The following ABI3BP variants were observed in gnomAD, a reference collection of about 807,000 sequenced individuals.
ABI3BP encodes the protein ABI family member 3 binding protein.
In ABI3BP, 216 loss-of-function variants were observed where a neutral mutation model predicts 268.6. The ratio of observed to expected loss-of-function variants is 0.80; its 90% CI spans 0.72 to 0.90. The LOEUF (loss-of-function observed/expected upper bound fraction) is 0.90, where lower values mean the gene tolerates loss of function less well. Ranked by LOEUF, ABI3BP falls within the 40% of genes least tolerant of loss-of-function variation. ABI3BP has a pLI of 0.00. For missense variants in ABI3BP, 2,090 were observed against 2,182.4 expected, an observed-to-expected ratio of 0.96 and a Z score of 0.84; for synonymous variants, 730 against 730.0, an observed-to-expected ratio of 1.00 and a Z score of 0.00.
At chr3:100,899,225 A>G (rs2049042193) in intron 3 of ABI3BP, among the ~76,000 whole-genome samples, 1 of 152,236 alleles carries the variant, frequency 6.6e-6, no homozygotes, top group Admixed American at 6.5e-5. Context: ...TGGAGGTCTT[A>G]GCTGTGATGA....
intron 1 of ABI3BP, among the ~76,000 whole-genome samples, chr3:100,985,051 A>ATATT (rs1409915216): frequency 3.3e-5 from 5 of 151,354 alleles, no homozygotes; most frequent in Non-Finnish European, 7.4e-5. Context: ...TGATAAAAGT[A>ATATT]TATTTTCTTT....
intron 59 of ABI3BP, among the ~76,000 whole-genome samples, chr3:100,777,245 T>G (rs550523845): frequency 6.6e-6 from 1 of 152,302 alleles, no homozygotes; most frequent in Admixed American, 6.5e-5. Context: ...AACACTCTTA[T>G]CCCGATTCCA....
chr3:100,768,550 C>T (rs758591101), intron 62 of ABI3BP, among the ~76,000 whole-genome samples: 9 of 152,152 alleles, frequency 5.9e-5, no homozygotes, highest in African/African-American at 2.2e-4. Flanking sequence ...ATATATTTCC[C>T]ATTTTTTAAT....
intron 62 of ABI3BP, among the ~76,000 whole-genome samples, chr3:100,767,612 A>G (rs76661680): frequency 6.6e-6 from 1 of 151,338 alleles, no homozygotes; most frequent in African/African-American, 2.4e-5. Context: ...AAAAAAAAAA[A>G]GGAAACCAAA....
intron 50 of ABI3BP, among the ~76,000 whole-genome samples, chr3:100,805,531 C>T (rs1052335383): frequency 6.6e-6 from 1 of 151,952 alleles, no homozygotes; most frequent in South Asian, 2.1e-4. Flanking sequence ...TTCAAAAATG[C>T]CTTTATAAAG....
Position 100,838,533 on chromosome 3 carries a change from T to A in ABI3BP, c.1946-69A>T, listed in dbSNP as rs2098640593. 9 of 1,267,214 alleles carry A rather than the reference T, an allele frequency of 7.1e-6. No homozygotes were observed. The South Asian group carries it at 1.2e-4, about 16-fold the overall frequency. 78.5% of individuals were successfully genotyped at this position (1,267,214 alleles called of 1,614,324 possible). A position where few individuals can be genotyped will look rare whatever the true frequency, so the allele number is the denominator to read the frequency against. ...TGACTGTCAAAATTAAGGACAATTA[T>A]GCAGAACAAAGACACTATATAAATT... is the stretch of plus-strand genomic sequence containing the variant. On this transcript the variant is annotated intron_variant, in intron 24 of 67. Transcript: ENST00000471714.
chr3:100,816,895 A>C (rs2098068711), intron 42 of ABI3BP, 127 bp from the exon 43 acceptor site: 1 of 663,338 alleles, frequency 1.5e-6, no homozygotes, highest in Admixed American at 3.0e-5. Context: ...AATATTTTCT[A>C]TTTTGTTAAT....
intron 2 of ABI3BP, among the ~76,000 whole-genome samples, chr3:100,914,667 T>G (rs1464742361): frequency 6.6e-6 from 1 of 151,550 alleles, no homozygotes; most frequent in Non-Finnish European, 1.5e-5. Context: ...GAAATGGGAG[T>G]GCAGCATTGA....
intron 18 of ABI3BP, 126 bp downstream of exon 18, chr3:100,848,675 C>A: frequency 1.2e-6 from 1 of 846,850 alleles, no homozygotes; most frequent in Admixed American, 2.1e-5. Flanking sequence ...GATCCTCCTG[C>A]CTTGGCCTCC....
Position 100,972,886 on chromosome 3 carries a change from T to C in ABI3BP, c.79+20420A>G, listed in dbSNP as rs1381243354. ...AATACACAAAGCATTTTCAGACTTATTTGTGGACATGTGAGGAATGGAGAA... is the reference window on the plus strand; with the variant it reads ...AATACACAAAGCATTTTCAGACTTACTTGTGGACATGTGAGGAATGGAGAA... On this transcript the variant is annotated intron_variant, in intron 1 of 67. Transcript: ENST00000471714. 2.6e-5 allele frequency among the ~76,000 whole-genome samples: 4 copies of C among 152,206 alleles called. No individual in the cohort carries two copies. The South Asian group carries it at 6.2e-4, about 24-fold the overall frequency.
chr3:100,855,545 C>A (rs2098929766), intron 14 of ABI3BP, among the ~76,000 whole-genome samples: 1 of 152,188 alleles, frequency 6.6e-6, no homozygotes, highest in South Asian at 2.1e-4. Flanking sequence ...AATTAATCTG[C>A]AAGATGTCCA....
At chr3:100,845,296 A>G (rs2152976610) in intron 20 of ABI3BP, among the ~76,000 whole-genome samples, 1 of 152,250 alleles carries the variant, frequency 6.6e-6, no homozygotes, top group Admixed American at 6.5e-5. Context: ...TCTTCCCCTG[A>G]AAACCCTGAG....
chr3:100,765,915 G>C lies in ABI3BP; in HGVS notation c.4776C>G (p.Phe1592Leu). 1 of 1,612,728 alleles carries C rather than the reference G, an allele frequency of 6.2e-7. No individual in the cohort carries two copies. The highest frequency in any genetic ancestry group is 8.5e-7 in the Non-Finnish European group (1 of 1,179,264). The stretch of plus-strand genomic sequence containing the variant: ...TTTGAATGGACTTGTTCTTCCCACT[G>C]AATGACCCATTTTCTCTGGATATAA... ...YEVISRENGSFSGKNKSIQMT... is the reference protein window; with the variant it reads ...YEVISRENGSLSGKNKSIQMT... The change falls in exon 63 of 68, where the codon TTC becomes TTG. Residue 1592 changes from phenylalanine (F) to leucine (L), a missense_variant. Phe to Leu is a conservative substitution (Grantham distance 22). Transcript: ENST00000471714.
chr3:100,775,409 A>G (rs576782621), intron 59 of ABI3BP, 74 bp from the exon 60 acceptor site: 2 of 1,536,898 alleles, frequency 1.3e-6, no homozygotes, highest in Admixed American at 2.0e-5. Flanking sequence ...TATTTATTCC[A>G]TAAATGTTTT....
intron 35 of ABI3BP, 62 bp downstream of exon 35, chr3:100,825,723 T>C (rs2098368730): frequency 7.8e-7 from 1 of 1,284,406 alleles, no homozygotes; most frequent in Non-Finnish European, 1.1e-6. Flanking sequence ...GAAGACTGAA[T>C]GGACTGTACA....
chr3:100,978,092 T>A (rs2087210158), intron 1 of ABI3BP, among the ~76,000 whole-genome samples: 1 of 152,172 alleles, frequency 6.6e-6, no homozygotes, highest in Admixed American at 6.5e-5. Flanking sequence ...CCCACAAGTG[T>A]ACTAGTCTAC....
At chr3:100,955,984 T>A (rs2076686187) in intron 1 of ABI3BP, among the ~76,000 whole-genome samples, 2 of 151,944 alleles carry the variant, frequency 1.3e-5, no homozygotes, top group South Asian at 4.2e-4. Context: ...GGTCAGGAGT[T>A]CGAGACCAGC....
At chr3:100,958,100 TA>T (rs1272148845) in intron 1 of ABI3BP, among the ~76,000 whole-genome samples, 2 of 152,212 alleles carry the variant, frequency 1.3e-5, no homozygotes, top group African/African-American at 4.8e-5. Context: ...ACAGATTAAC[TA>T]AAACAAGTGC....
Position 100,752,934 on chromosome 3 carries a change from T to A in ABI3BP, c.4975A>T (p.Ile1659Phe). ...SEPVSAGRDA[I>F]WTERPFNSDS... is the part of the protein sequence containing the mutation. ...GAATTAAAGGGTCTTTCAGTCCAGA[T>A]GGCATCTCTTCCTGCTACAAAAGGA... The change falls in exon 66 of 68, where the codon ATC becomes TTC. Residue 1659 changes from isoleucine to phenylalanine, a missense_variant. Transcript: ENST00000471714. 6.2e-7 allele frequency: 1 copy of A among 1,612,082 alleles called. No homozygotes were observed. Among genetic ancestry groups the A allele is most frequent in the Non-Finnish European group, 8.5e-7 (1 of 1,179,000 alleles).
Sources: gnomAD v4.1 joint callset for allele counts (sites outside exome capture counted in the v4.1 genomes callset) on GRCh38, gnomAD v4.1.1 for gene constraint, MANE v1.5 for transcripts, NCBI Gene and HGNC (gene_info 2026-07-23, HGNC 2026-07-21) for gene names.